Variants in BIN1 observed in about 807,000 individuals in gnomAD.
BIN1 encodes the protein bridging integrator 1, also known as myc box-dependent-interacting protein 1.
Under a neutral mutation model 82.0 loss-of-function variants are expected in BIN1, and 53 were observed. That is an observed-to-expected ratio of 0.65 (90% CI 0.52 to 0.81). BIN1 has a LOEUF of 0.81. BIN1 is among the 40% of genes least tolerant of loss of function. BIN1 has a pLI of 0.00. For missense variants in BIN1, 642 were observed against 784.4 expected (o/e 0.82, Z 2.17); for synonymous variants, 302 against 328.0 (o/e 0.92, Z 0.86).
chr2:127,058,121 A>G (rs1224668477), intron 11 of BIN1, among the ~76,000 whole-genome samples: 2 of 152,124 alleles, frequency 1.3e-5, no homozygotes, highest in Non-Finnish European at 2.9e-5. Flanking sequence ...CCAGCGTGGC[A>G]CCAGGATGGG....
At chr2:127,105,783 G>C (rs967373887) in intron 1 of BIN1, among the ~76,000 whole-genome samples, 1 of 152,220 alleles carries the variant, frequency 6.6e-6, no homozygotes, top group Non-Finnish European at 1.5e-5. Flanking sequence ...CTGTCCCTGC[G>C]CCTCCACCCG....
intron 7 of BIN1, among the ~76,000 whole-genome samples, chr2:127,066,903 T>A (rs897871689): frequency 1.3e-5 from 2 of 152,062 alleles, no homozygotes; most frequent in South Asian, 2.1e-4. Flanking sequence ...AGGCACAGTC[T>A]CTACAAAAAA....
intron 15 of BIN1, 144 bp downstream of exon 15, chr2:127,052,111 G>A (rs1190353373): frequency 2.2e-6 from 2 of 928,292 alleles, no homozygotes; most frequent in African/African-American, 1.6e-5. Context: ...CCCGTGCTGG[G>A]GCAGCCTAGC....
rs576966724 is a variant in BIN1 at position 127,107,113 on chromosome 2, A to T, written c.-170T>A. Reference sequence around the variant, plus strand: ...AGGCGGAGCGTGCGCCGGACGGGCGAGCGAGCCAGCGAGCTAGCCAGCGAG... The same window carrying T: ...AGGCGGAGCGTGCGCCGGACGGGCGTGCGAGCCAGCGAGCTAGCCAGCGAG... On this transcript the variant is annotated 5_prime_UTR_variant, in exon 1 of 19. Coordinates refer to ENST00000316724, the MANE Select transcript of BIN1 (RefSeq NM_139343.3). The surrounding 1 kb of genome is among the most constrained non-coding windows in gnomAD (Gnocchi z 5.9). 15 of 634,386 alleles carry T rather than the reference A, an allele frequency of 2.4e-5. No homozygotes were observed. The African/African-American group carries it at 2.9e-4, about 12-fold the overall frequency. The allele number at this position is 634,386 out of a possible 1,614,324, so 39.3% of individuals were successfully genotyped here.
rs144458131 is a variant in BIN1, at chr2:127,050,508, G to A, written c.1587C>T (p.His529=). ...CGTCTGTGTCAGTGGCCGTGTAGTC[G>A]TGCTGGGCCTGTACCTGCAGAGGAT... ...PGFMFKVQAQ[H]DYTATDTDEL... is the part of the protein sequence containing the mutation. Residue 529 remains histidine, a synonymous_variant, in exon 18 of 19, where the codon CAC becomes CAT. Transcript: ENST00000316724. 2.2e-5 allele frequency: 35 copies of A among 1,614,230 alleles called. No homozygotes were observed. Among genetic ancestry groups the A allele is most frequent in the African/African-American group, 1.5e-4 (11 of 75,066 alleles).
chr2:127,051,031 C>T (rs1236173678), intron 16 of BIN1, 119 bp from the exon 17 acceptor site: 5 of 1,505,062 alleles, frequency 3.3e-6, no homozygotes, highest in African/African-American at 2.8e-5. Flanking sequence ...CAGACCGGCC[C>T]GCCTCCAGCT....
In BIN1 at chr2:127,059,092, G is replaced by T. The variant is rs1316819356; in HGVS notation, c.921C>A (p.Thr307=). The T allele has an allele frequency of 5.0e-6, 8 of 1,593,586 alleles. No individual in the cohort carries two copies. The highest frequency in any genetic ancestry group is 6.8e-6 in the Non-Finnish European group (8 of 1,171,112). The part of the protein sequence containing the change: ...PSPPDGSPAA[T]PEIRVNHEPE... ...GCTCGTGGTTGACTCTGATCTCGGG[G>T]GTGGCGGCAGGGGAGCCATCTGGAG... Residue 307 remains threonine (T), a synonymous_variant, in exon 11 of 19, where the codon ACC becomes ACA. Coordinates refer to ENST00000316724, the MANE Select transcript of BIN1 (RefSeq NM_139343.3). This position sits in a 1 kb window ranked among gnomAD's most constrained non-coding sequence, Gnocchi z 6.7.
At chr2:127,103,110 G>A (rs1261396385) in intron 1 of BIN1, among the ~76,000 whole-genome samples, 2 of 152,186 alleles carry the variant, frequency 1.3e-5, no homozygotes, top group Non-Finnish European at 2.9e-5. Flanking sequence ...CCTCTGGGTG[G>A]GCTCCCAGTG....
At chr2:127,050,985 G>A in intron 16 of BIN1, 73 bp from the exon 17 acceptor site, 4 of 1,529,316 alleles carry the variant, frequency 2.6e-6, no homozygotes, top group East Asian at 2.2e-5. Context: ...AGGAGAAGAG[G>A]GGCGGGGAGG....
At chr2:127,088,754 A>G (rs76013838) in intron 1 of BIN1, among the ~76,000 whole-genome samples, 37 of 151,738 alleles carry the variant, frequency 2.4e-4, no homozygotes, top group East Asian at 2.3e-3. Flanking sequence ...AAAAAAAAAA[A>G]AGAGAGACAC....
intron 1 of BIN1, among the ~76,000 whole-genome samples, chr2:127,101,938 G>A (rs780336769): frequency 5.3e-5 from 8 of 152,190 alleles, no homozygotes; most frequent in South Asian, 2.1e-4. Context: ...GCTAGGAAGC[G>A]GGGCCATGCA....
chr2:127,052,441 CAA>C, intron 14 of BIN1, 79 bp from the exon 15 acceptor site: 1 of 1,368,938 alleles, frequency 7.3e-7, no homozygotes. Flanking sequence ...GATCACAAGA[CAA>C]GAGAAAATGT....
At position 127,074,501 on chromosome 2, in the gene BIN1, C is replaced by G. The variant is rs144692681; in HGVS notation, c.165+2125G>C. ...CCTGGCAGCCCGCAGCACTGGCTAT[C>G]TTTAGCCCTGGACTCTCTGCCCAAC... On this transcript the variant is annotated intron_variant, in intron 2 of 18. Coordinates refer to ENST00000316724, the MANE Select transcript of BIN1 (RefSeq NM_139343.3). Among the ~76,000 whole-genome samples the G allele has an allele frequency of 7.8e-3, 1,185 of 152,344 alleles. 17 individuals carry two copies. The highest frequency in any genetic ancestry group is 0.027 in the African/African-American group (1,126 of 41,576).
chr2:127,096,511 G>A (rs115037567), intron 1 of BIN1, among the ~76,000 whole-genome samples: 1,569 of 152,258 alleles, frequency 0.01, 13 homozygotes, highest in Middle Eastern at 0.017. Context: ...GCCACACAGC[G>A]GGGGAGCAGC....
Position 127,093,473 on chromosome 2 carries a change from C to T in BIN1, c.84+13387G>A, listed in dbSNP as rs536492238. ...AGACCCTCATTCCACAGGGGTCCTG[C>T]GCTGTATGTGGGAGGAAGCCACACA... On this transcript the variant is annotated intron_variant, in intron 1 of 18. Coordinates refer to ENST00000316724, the MANE Select transcript of BIN1 (RefSeq NM_139343.3). This position sits in a 1 kb window ranked among gnomAD's most constrained non-coding sequence, Gnocchi z 5.7. 9.2e-5 allele frequency among the ~76,000 whole-genome samples: 14 copies of T among 152,270 alleles called. No individual in the cohort carries two copies. In the East Asian group the frequency reaches 2.3e-3, roughly 25 times the overall value.
intron 1 of BIN1, among the ~76,000 whole-genome samples, chr2:127,077,678 G>T (rs576430669): frequency 6.6e-6 from 1 of 152,292 alleles, no homozygotes; most frequent in Admixed American, 6.5e-5. Flanking sequence ...GTAGGAAAGA[G>T]CAGGAGAAGA....
At position 127,062,104 on chromosome 2, in the gene BIN1, C is replaced by A. The variant is rs751970047; in HGVS notation, c.857+11G>T. ...CACAGTCAGGGGCGCCAGGGCTCTC[C>A]CCGCACGCACCTGGGCTGGGCCTTG... On this transcript the variant is annotated intron_variant, in intron 10 of 18. Coordinates refer to ENST00000316724, the MANE Select transcript of BIN1 (RefSeq NM_139343.3). 3.8e-6 allele frequency: 6 copies of A among 1,598,634 alleles called. No homozygotes were observed. The African/African-American group carries it at 5.4e-5, about 14-fold the overall frequency.
rs949553784 is a variant in BIN1, at chr2:127,052,339, G to A, written c.1287C>T (p.Ser429=). 6.3e-7 allele frequency: 1 copy of A among 1,584,624 alleles called. No individual in the cohort carries two copies. Among genetic ancestry groups the A allele is most frequent in the Non-Finnish European group, 8.6e-7 (1 of 1,165,958 alleles). ...CAGCGCTGGGCTCCCCGGAAGGCAG[G>A]CTGCCGGCTGGACTCTCTGTGGGCT... ...LWEPTESPAG[S]LPSGEPSAAE... Residue 429 remains serine, a synonymous_variant, in exon 15 of 19, where the codon AGC becomes AGT. Transcript: ENST00000316724.
intron 18 of BIN1, 89 bp from the exon 19 acceptor site, chr2:127,048,722 G>T: frequency 7.9e-7 from 1 of 1,265,754 alleles, no homozygotes; most frequent in Non-Finnish European, 1.1e-6. Flanking sequence ...CTGGGAAGAC[G>T]GCCCCTCCTC....
Sources: allele counts gnomAD v4.1 joint callset (sites outside exome capture counted in the v4.1 genomes callset), GRCh38; gene constraint gnomAD v4.1.1; non-coding constraint Gnocchi (gnomAD v3.1); transcripts MANE v1.5; gene names NCBI Gene and HGNC (gene_info 2026-07-23, HGNC 2026-07-21).